Variants in MAST3 observed in about 807,000 individuals in gnomAD.
MAST3 encodes microtubule-associated serine/threonine-protein kinase 3.
In MAST3, 43 loss-of-function variants were observed where a neutral mutation model predicts 127.0. That is an observed-to-expected ratio of 0.34 (90% CI 0.27 to 0.44). The LOEUF (loss-of-function observed/expected upper bound fraction) is 0.44. MAST3 is among the 20% of genes least tolerant of loss of function. The pLI is 1.00. For missense variants in MAST3, 1,390 were observed against 1,919.1 expected (o/e 0.72, Z 5.15); for synonymous variants, 785 against 809.2 (o/e 0.97, Z 0.51).
At chr19:18,141,403 C>T (rs576159922) in intron 20 of MAST3, among the ~76,000 whole-genome samples, 20 of 55,868 alleles carry the variant, frequency 3.6e-4, no homozygotes, top group East Asian at 7.3e-4. Flanking sequence ...AACAGAGTCT[C>T]GCTCTGTCTC....
intron 26 of MAST3, among the ~76,000 whole-genome samples, 154 bp downstream of exon 26, chr19:18,147,198 G>A (rs529226698): frequency 1.4e-5 from 2 of 143,626 alleles, no homozygotes; most frequent in Non-Finnish European, 3.0e-5. Flanking sequence ...CCACCTCCCG[G>A]GTTCAAGCGA....
At chr19:18,115,015 G>A (rs1372930869) in intron 3 of MAST3, among the ~76,000 whole-genome samples, 6 of 152,186 alleles carry the variant, frequency 3.9e-5, no homozygotes, top group Non-Finnish European at 8.8e-5. Flanking sequence ...TGCAGGGAGA[G>A]TCAAATGCCA....
rs1467699748 is a variant in MAST3, at chr19:18,134,875, A to G, written c.1763A>G (p.Lys588Arg). 6.2e-7 allele frequency: 1 copy of G among 1,613,984 alleles called. No homozygotes were observed. Residue 588 changes from lysine to arginine, a missense_variant, in exon 17 of 28, where the codon AAG becomes AGG. This residue lies in a region of MAST3 where 191 missense variants were observed against 409.0 expected (regional missense o/e 0.47). Transcript: ENST00000687212. ...GTGATCTTCCGCCAGGGCTATGGGA[A>G]GCCAGTGGACTGGTGGGCCATGGGC... ...PEVIFRQGYG[K>R]PVDWWAMGVV...
In MAST3 at chr19:18,121,746, C is replaced by T. The variant is rs2040005366; in HGVS notation, c.223C>T (p.Pro75Ser). The change falls in exon 4 of 28, where the codon CCC becomes TCC. Residue 75 changes from proline to serine, a missense_variant. By Grantham distance (74) the Pro-to-Ser change is moderately conservative. Transcript: ENST00000687212. ...AACGCCCTCCCCGACCCTCTCCCGG[C>T]CCCTGTCGCCATTGTCGGTCCCAAC... Reference protein sequence around the residue: ...VGTPSPTLSRPLSPLSVPTGS... With the variant: ...VGTPSPTLSRSLSPLSVPTGS... 6.2e-7 allele frequency: 1 copy of T among 1,613,906 alleles called. No individual in the cohort carries two copies. The highest frequency in any genetic ancestry group is 1.3e-5 in the African/African-American group (1 of 74,946).
Position 18,137,305 on chromosome 19 carries a change from A to G in MAST3, c.2039A>G (p.His680Arg), listed in dbSNP as rs371688746. The G allele has an allele frequency of 1.2e-6, 2 of 1,613,740 alleles. No individual in the cohort carries two copies. The highest frequency in any genetic ancestry group is 2.7e-5 in the African/African-American group (2 of 74,918). Residue 680 changes from histidine to arginine, a missense_variant, in exon 19 of 28, where the codon CAC becomes CGC. Coordinates refer to ENST00000687212, the MANE Select transcript of MAST3 (RefSeq NM_001393504.1). ...LALDWAGLLR[H>R]KAEFVPQLEA... ...CTGGACTGGGCAGGGCTTCTCCGAC[A>G]CAAAGCCGAGTTCGTGCCCCAGCTC...
At chr19:18,109,837 G>A (rs2038375118) in intron 2 of MAST3, 1 of 636,372 alleles carries the variant, frequency 1.6e-6, no homozygotes, top group Non-Finnish European at 2.0e-6. Flanking sequence ...CCGGGATGCG[G>A]GGTTGGGGAG....
intron 1 of MAST3, among the ~76,000 whole-genome samples, chr19:18,106,790 T>C (rs2038102942): frequency 6.6e-6 from 1 of 151,102 alleles, no homozygotes; most frequent in South Asian, 2.1e-4. Flanking sequence ...AGGCTGGTCT[T>C]GAACTCCCGA....
In MAST3 at chr19:18,146,876, C is replaced by T. The variant is rs376129162; in HGVS notation, c.3163-5C>T. On this transcript the variant is annotated splice_polypyrimidine_tract_variant and splice_region_variant and intron_variant, in intron 25 of 27. Coordinates refer to ENST00000687212, the MANE Select transcript of MAST3 (RefSeq NM_001393504.1). The stretch of plus-strand genomic sequence containing the variant: ...AGAGGCAACCCCTCACCATCCCTCC[C>T]GCAGAGCGGCAACAAGATATCCCTG... 16 of 1,549,078 alleles carry T rather than the reference C, an allele frequency of 1.0e-5. No individual in the cohort carries two copies. Among genetic ancestry groups the T allele is most frequent in the African/African-American group, 4.1e-5 (3 of 73,066 alleles).
rs763700922 is a variant in MAST3 at position 18,149,222 on chromosome 19, G to A, written c.3540G>A (p.Pro1180=). The change falls in exon 28 of 28, where the codon CCG becomes CCA. Residue 1180 remains proline (P), a synonymous_variant. Transcript: ENST00000687212. This position sits in a 1 kb window ranked among gnomAD's most constrained non-coding sequence, Gnocchi z 5.9. The part of the protein sequence containing the change: ...DTTASPPSAS[P]SSSSPASPAA... ...CTGCATCCCCACCCAGCGCATCCCC[G>A]AGCTCCAGCAGCCCCGCCTCCCCAG... The A allele has an allele frequency of 3.3e-5, 51 of 1,540,060 alleles. No homozygotes were observed. The highest frequency in any genetic ancestry group is 7.8e-5 in the East Asian group (3 of 38,392).
chr19:18,097,946 G>C, intron 1 of MAST3, 115 bp downstream of exon 1: 1 of 813,982 alleles, frequency 1.2e-6, no homozygotes, highest in East Asian at 3.6e-5. Context: ...GAGGCAGAGG[G>C]TGGGGAACGC....
chr19:18,126,482 G>A (rs975942711), intron 11 of MAST3, among the ~76,000 whole-genome samples: 2 of 152,168 alleles, frequency 1.3e-5, no homozygotes, highest in African/African-American at 4.8e-5. Context: ...CCCATTGAAA[G>A]CTGGGGAGGC....
chr19:18,122,774 A>G, intron 6 of MAST3, 23 bp downstream of exon 6: 1 of 1,609,014 alleles, frequency 6.2e-7, no homozygotes. Flanking sequence ...CCACCTTGGC[A>G]GGTGGACAGG....
At position 18,130,606 on chromosome 19, in the gene MAST3, G is replaced by A; in HGVS notation, c.1336G>A (p.Asp446Asn). The A allele has an allele frequency of 6.2e-7, 1 of 1,613,922 alleles. No homozygotes were observed. The highest frequency in any genetic ancestry group is 8.5e-7 in the Non-Finnish European group (1 of 1,179,898). ...GATCCAGCAGGTCTTTGTGGAGCGT[G>A]ACATTCTCACCTTTGCCGAGAACCC... is the stretch of plus-strand genomic sequence containing the variant. ...NQIQQVFVER[D>N]ILTFAENPFV... Residue 446 changes from aspartate (D) to asparagine (N), a missense_variant, in exon 14 of 28, where the codon GAC becomes AAC. Asp to Asn is a conservative substitution (Grantham distance 23). This residue lies in a region of MAST3 where 191 missense variants were observed against 409.0 expected (regional missense o/e 0.47). Transcript: ENST00000687212.
chr19:18,146,656 C>G (rs368150248), intron 25 of MAST3, among the ~76,000 whole-genome samples: 1 of 152,034 alleles, frequency 6.6e-6, no homozygotes, highest in Non-Finnish European at 1.5e-5. Context: ...GGGCAGGCCT[C>G]GATCGGCGTT....
Position 18,134,864 on chromosome 19 carries a change from G to C in MAST3, c.1752G>C (p.Gln584His). 4 of 1,614,050 alleles carry C rather than the reference G, an allele frequency of 2.5e-6. No individual in the cohort carries two copies. The highest frequency in any genetic ancestry group is 3.4e-6 in the Non-Finnish European group (4 of 1,179,918). The stretch of plus-strand genomic sequence containing the variant: ...TAGCCCCCGAGGTGATCTTCCGCCA[G>C]GGCTATGGGAAGCCAGTGGACTGGT... Reference protein sequence around the residue: ...EYIAPEVIFRQGYGKPVDWWA... With the variant: ...EYIAPEVIFRHGYGKPVDWWA... Residue 584 changes from glutamine (Q) to histidine (H), a missense_variant, in exon 17 of 28, where the codon CAG (glutamine) becomes CAC (histidine). Transcript: ENST00000687212.
In MAST3 at chr19:18,112,996, G is replaced by A. The variant is rs1458229012; in HGVS notation, c.161+2255G>A. 6.6e-6 allele frequency among the ~76,000 whole-genome samples: 1 copy of A among 152,168 alleles called. No homozygotes were observed. Among genetic ancestry groups the A allele is most frequent in the Non-Finnish European group, 1.5e-5 (1 of 68,028 alleles). Reference sequence around the variant, plus strand: ...AGCATCCTAGGAAGGTTTCGGGCCAGATCTGACTCTGTCTAAATCCTTGGC... The same window carrying A: ...AGCATCCTAGGAAGGTTTCGGGCCAAATCTGACTCTGTCTAAATCCTTGGC... On this transcript the variant is annotated intron_variant, in intron 3 of 27. Transcript: ENST00000687212. The surrounding 1 kb of genome is among the most constrained non-coding windows in gnomAD (Gnocchi z 4.1).
chr19:18,130,757 C>T, intron 14 of MAST3, 55 bp downstream of exon 14: 3 of 1,547,802 alleles, frequency 1.9e-6, no homozygotes, highest in Non-Finnish European at 2.6e-6. Context: ...CCCCTCCACG[C>T]CTGGGAGAAA....
At chr19:18,117,865 C>A (rs1369393013) in intron 3 of MAST3, among the ~76,000 whole-genome samples, 1 of 151,550 alleles carries the variant, frequency 6.6e-6, no homozygotes, top group Non-Finnish European at 1.5e-5. Context: ...CTCCGCCTCT[C>A]CGCCCGCGGC....
In MAST3 at chr19:18,128,436, C is replaced by A. The variant is rs768674732; in HGVS notation, c.1115C>A (p.Pro372His). 2.6e-6 allele frequency: 4 copies of A among 1,557,190 alleles called. No homozygotes were observed. Among genetic ancestry groups the A allele is most frequent in the Non-Finnish European group, 3.5e-6 (4 of 1,150,516 alleles). ...VPLSHLEEEQ[P>H]PAPESPESRA... ...CTGAGTCACCTCGAAGAAGAACAGC[C>A]CCCAGCACCTGAGTCCCCAGAGGTG... is the stretch of plus-strand genomic sequence containing the variant. The change falls in exon 12 of 28, where the codon CCC (proline) becomes CAC (histidine). Residue 372 changes from proline to histidine, a missense_variant. Around this residue, in one of 5 missense-constraint regions of MAST3, gnomAD observed 277 missense variants for 384.8 expected, o/e 0.72. Transcript: ENST00000687212.
Sources: allele counts gnomAD v4.1 joint callset (sites outside exome capture counted in the v4.1 genomes callset), GRCh38; gene constraint gnomAD v4.1.1; regional missense constraint gnomAD v4.1.1; non-coding constraint Gnocchi (gnomAD v3.1); transcripts MANE v1.5; gene names NCBI Gene and HGNC (gene_info 2026-07-23, HGNC 2026-07-21).